The following ADAMTSL1 variants were observed in gnomAD, a reference collection of about 807,000 sequenced individuals.
ADAMTSL1 encodes the protein ADAMTS like 1.
A neutral mutation model predicts 201.8 loss-of-function variants in ADAMTSL1; 126 were observed. That is an observed-to-expected ratio of 0.62 (90% confidence interval 0.54 to 0.72). The LOEUF is 0.72. ADAMTSL1 is among the 30% of genes least tolerant of loss of function. ADAMTSL1 has a pLI of 0.00. For missense variants in ADAMTSL1, 2,679 were observed against 2,277.8 expected, an observed-to-expected ratio of 1.18 and a Z score of -3.59; for synonymous variants, 1,121 against 903.4, an observed-to-expected ratio of 1.24 and a Z score of -4.32.
intron 5 of ADAMTSL1, among the ~76,000 whole-genome samples, chr9:18,634,860 T>TATATATATATATATTTATATATGTAA (rs1564105393): frequency 2.4e-5 from 3 of 122,906 alleles, no homozygotes; most frequent in African/African-American, 8.5e-5. Context: ...AATATGTAAA[T>TATATATATATATATTTATATATGTAA]ATATATATAT....
intron 17 of ADAMTSL1, 50 bp downstream of exon 17, chr9:18,770,831 A>G: frequency 6.4e-7 from 1 of 1,572,040 alleles, no homozygotes; most frequent in African/African-American, 1.4e-5. Context: ...TAGGAAAAGA[A>G]GGCACCCCAG....
intron 2 of ADAMTSL1, among the ~76,000 whole-genome samples, chr9:18,202,002 TAA>T (rs1829468347): frequency 6.6e-6 from 1 of 152,168 alleles, no homozygotes; most frequent in Admixed American, 6.6e-5. Context: ...CACTATTTTA[TAA>T]GAGAATAATT....
intron 23 of ADAMTSL1, among the ~76,000 whole-genome samples, chr9:18,838,405 A>G (rs1825469034): frequency 6.6e-6 from 1 of 150,746 alleles, no homozygotes. Flanking sequence ...ACACACACGC[A>G]AAAACCTAGA....
intron 2 of ADAMTSL1, chr9:18,360,809 C>T (rs1586969312): frequency 1.3e-5 from 2 of 152,140 alleles, no homozygotes; most frequent in Non-Finnish European, 2.9e-5. Context: ...AGGGGTCTCT[C>T]TTCTTGTGTT....
intron 3 of ADAMTSL1, among the ~76,000 whole-genome samples, chr9:18,560,433 C>T (rs2132275403): frequency 6.6e-6 from 1 of 152,296 alleles, no homozygotes; most frequent in Non-Finnish European, 1.5e-5. Context: ...AAGATGTTCA[C>T]ATCAATGTTC....
chr9:18,863,335 C>T (rs1178711233), intron 23 of ADAMTSL1, among the ~76,000 whole-genome samples: 1 of 152,170 alleles, frequency 6.6e-6, no homozygotes, highest in Non-Finnish European at 1.5e-5. Context: ...ACCAGATGCC[C>T]AGGATCATGG....
chr9:18,588,916 C>A (rs13294947), intron 4 of ADAMTSL1, among the ~76,000 whole-genome samples: 2 of 58,046 alleles, frequency 3.4e-5, no homozygotes, highest in Non-Finnish European at 7.8e-5. Flanking sequence ...TATATATACA[C>A]ATTTTTTTTT....
chr9:18,585,501 A>G (rs1203174656), intron 4 of ADAMTSL1, among the ~76,000 whole-genome samples: 4 of 152,154 alleles, frequency 2.6e-5, no homozygotes, highest in Non-Finnish European at 5.9e-5. Flanking sequence ...TTTCCATTTT[A>G]TAAATGAGGA....
At chr9:18,448,281 C>A (rs1322096545) in intron 2 of ADAMTSL1, among the ~76,000 whole-genome samples, 1 of 152,110 alleles carries the variant, frequency 6.6e-6, no homozygotes, top group Non-Finnish European at 1.5e-5. Context: ...TGCCAGCCAG[C>A]CAGTGTGGGA....
At chr9:18,387,617 A>C (rs1488348231) in intron 2 of ADAMTSL1, among the ~76,000 whole-genome samples, 1 of 152,060 alleles carries the variant, frequency 6.6e-6, no homozygotes, top group Non-Finnish European at 1.5e-5. Flanking sequence ...CCTTATTTAC[A>C]CACATAGTTC....
chr9:18,824,689 C>CA, intron 21 of ADAMTSL1, among the ~76,000 whole-genome samples: 1 of 105,238 alleles, frequency 9.5e-6, no homozygotes, highest in Non-Finnish European at 1.9e-5. Context: ...GGGACTTGAC[C>CA]CTTTTTTTTT....
intron 1 of ADAMTSL1, among the ~76,000 whole-genome samples, chr9:18,049,248 G>A (rs1019864743): frequency 1.3e-5 from 2 of 152,178 alleles, no homozygotes; most frequent in Non-Finnish European, 2.9e-5. Flanking sequence ...ATACCTTGTT[G>A]GGAGACACAA....
Position 17,998,332 on chromosome 9 carries a change from A to G in ADAMTSL1, c.87+91410A>G, listed in dbSNP as rs142976702. ...AAAGATAAAAGAATATGGCAAGTGT[A>G]CATGTAAAAGGAGATAAAGGGGGTT... On this transcript the variant is annotated intron_variant, in intron 1 of 29. Coordinates refer to the ADAMTSL1 transcript ENST00000680146. Among the ~76,000 whole-genome samples, 13 of 152,196 alleles carry G rather than the reference A, an allele frequency of 8.5e-5. No homozygotes were observed. The East Asian group carries it at 2.5e-3, about 30-fold the overall frequency.
At position 18,631,045 on chromosome 9, in the gene ADAMTSL1, T is replaced by C. The variant is rs572050945; in HGVS notation, c.602-4898T>C. Among the ~76,000 whole-genome samples the C allele has an allele frequency of 1.5e-4, 23 of 152,314 alleles. 1 individual carries two copies. The South Asian group carries it at 3.7e-3, about 25-fold the overall frequency. ...GGCAACGGTATCTATGTCAGGATTA[T>C]CGCCTGAGTGAGAGGGAATATAAGA... On this transcript the variant is annotated intron_variant, in intron 5 of 28. Transcript: ENST00000380548.
chr9:18,115,244 C>T (rs985140241), intron 1 of ADAMTSL1, among the ~76,000 whole-genome samples: 27 of 152,146 alleles, frequency 1.8e-4, no homozygotes, highest in African/African-American at 6.3e-4. Flanking sequence ...TGATATTTCT[C>T]ACTGACGTCA....
upstream of ADAMTSL1, among the ~76,000 whole-genome samples, chr9:18,471,223 C>G (rs114912805): frequency 0.03 from 4,621 of 152,212 alleles, 207 homozygotes; most frequent in African/African-American, 0.094. Context: ...TAAACATCCC[C>G]CTTCAACAAC....
Position 18,092,106 on chromosome 9 carries a change from T to A in ADAMTSL1, c.88-71756T>A, listed in dbSNP as rs113165194. On this transcript the variant is annotated intron_variant, in intron 1 of 29. Coordinates refer to the ADAMTSL1 transcript ENST00000680146. The stretch of plus-strand genomic sequence containing the variant: ...TTGGGATTACCTGAAAAAATAATCA[T>A]TCAAAAAATGTTTGCTTGGCATCGT... Among the ~76,000 whole-genome samples the A allele has an allele frequency of 3.6e-3, 547 of 152,238 alleles. 2 individuals carry two copies. The highest frequency in any genetic ancestry group is 0.013 in the African/African-American group (524 of 41,552).
intron 8 of ADAMTSL1, among the ~76,000 whole-genome samples, chr9:18,660,058 T>C (rs1340696433): frequency 5.9e-5 from 9 of 152,198 alleles, no homozygotes; most frequent in African/African-American, 1.9e-4. Context: ...TAGATTTACA[T>C]GTATCTTACT....
At chr9:17,929,501 C>T (rs4961613) in intron 1 of ADAMTSL1, among the ~76,000 whole-genome samples, 1 of 152,100 alleles carries the variant, frequency 6.6e-6, no homozygotes, top group Non-Finnish European at 1.5e-5. Context: ...CAGCCCCTGC[C>T]TAGCTCCCCA....
Sources: allele counts gnomAD v4.1 joint callset (sites outside exome capture counted in the v4.1 genomes callset), GRCh38; gene constraint gnomAD v4.1.1; transcripts MANE v1.5; gene names NCBI Gene and HGNC (gene_info 2026-07-23, HGNC 2026-07-21).